The following ARID1B variants were observed in gnomAD, a reference collection of about 807,000 sequenced individuals.
The protein encoded by ARID1B is AT-rich interaction domain 1B.
A neutral mutation model predicts 212.3 loss-of-function variants in ARID1B; 30 were observed. The ratio of observed to expected loss-of-function variants is 0.14; its 90% confidence interval spans 0.11 to 0.19. The LOEUF (loss-of-function observed/expected upper bound fraction) is 0.19, where lower values mean the gene tolerates loss of function less well. ARID1B is among the 10% of genes least tolerant of loss of function. ARID1B has a pLI of 1.00. For missense variants in ARID1B, 2,891 were observed against 3,204.0 expected (o/e 0.90, Z 2.36); for synonymous variants, 1,402 against 1,301.7 (o/e 1.08, Z -1.66).
chr6:156,830,069 A>AGG (rs1238605039), intron 2 of ARID1B, among the ~76,000 whole-genome samples: 4 of 152,172 alleles, frequency 2.6e-5, no homozygotes, highest in Non-Finnish European at 5.9e-5. Context: ...AAATGGAGTC[A>AGG]CCTTAGATGA....
At chr6:157,115,527 C>T (rs997454768) in intron 6 of ARID1B, among the ~76,000 whole-genome samples, 11 of 152,102 alleles carry the variant, frequency 7.2e-5, no homozygotes, top group Admixed American at 6.5e-5. Flanking sequence ...TCCGGGTTCA[C>T]GCCATTCTCC....
intron 4 of ARID1B, among the ~76,000 whole-genome samples, chr6:157,075,632 C>A (rs893730370): frequency 1.3e-5 from 2 of 152,336 alleles, no homozygotes; most frequent in African/African-American, 4.8e-5. Context: ...CTGGTTGACA[C>A]CACCTTAACC....
At chr6:156,850,159 C>A in intron 2 of ARID1B, among the ~76,000 whole-genome samples, 1 of 151,490 alleles carries the variant, frequency 6.6e-6, no homozygotes, top group East Asian at 1.9e-4. Context: ...GCACTGTACA[C>A]AATTACTGTG....
At chr6:156,870,246 G>A (rs1786018909) in intron 2 of ARID1B, 1 of 152,296 alleles carries the variant, frequency 6.6e-6, no homozygotes, top group African/African-American at 2.4e-5. Context: ...AGCGCCTCCT[G>A]ATCCACAGGG....
rs775655637 is a variant in ARID1B, at chr6:156,923,704, C to CT, written c.2137-11745dup. ...GGATAAAGTTCTATTAGTTGATTCT[C>CT]TTTTTTTTTTTTTTTTTAAAGACAG... On this transcript the variant is annotated intron_variant, in intron 3 of 19. Coordinates refer to ENST00000636930, the MANE Select transcript of ARID1B (RefSeq NM_001374828.1). 5.3e-3 allele frequency among the ~76,000 whole-genome samples: 737 copies of CT among 140,102 alleles called. 1 individual carries two copies. The highest frequency in any genetic ancestry group is 7.2e-3 in the Middle Eastern group (2 of 278). The allele number at this position is 140,102 out of a possible 152,430, so 91.9% of individuals were successfully genotyped here.
intron 5 of ARID1B, among the ~76,000 whole-genome samples, chr6:157,107,493 A>G (rs1249175630): frequency 6.6e-6 from 1 of 152,258 alleles, no homozygotes; most frequent in Non-Finnish European, 1.5e-5. Flanking sequence ...AAATGATAGC[A>G]TAGACTTAGG....
intron 4 of ARID1B, among the ~76,000 whole-genome samples, chr6:156,949,970 T>G (rs535989416): frequency 6.6e-6 from 1 of 152,352 alleles, no homozygotes; most frequent in South Asian, 2.1e-4. Context: ...TTCTAACTTG[T>G]GAATTATTTC....
At chr6:157,086,219 C>T (rs972596793) in intron 5 of ARID1B, among the ~76,000 whole-genome samples, 7 of 152,146 alleles carry the variant, frequency 4.6e-5, no homozygotes, top group South Asian at 2.1e-4. Context: ...TTTAACTAAA[C>T]GTTACATTTC....
rs1316951673 is a variant in ARID1B at position 156,893,863 on chromosome 6, C to A, written c.1987-7513C>A. Among the ~76,000 whole-genome samples, 3 of 152,198 alleles carry A rather than the reference C, an allele frequency of 2.0e-5. No homozygotes were observed. The East Asian group carries it at 5.8e-4, about 29-fold the overall frequency. On this transcript the variant is annotated intron_variant, in intron 2 of 19. Transcript: ENST00000636930. ...GTGGGAATGTGAAATGGTGCAGCCA[C>A]TGTGAGAAGCAGTATGATAGTTCTC...
intron 4 of ARID1B, among the ~76,000 whole-genome samples, chr6:156,971,930 A>G (rs192598677): frequency 1.3e-5 from 2 of 152,248 alleles, no homozygotes; most frequent in Admixed American, 6.5e-5. Context: ...TGCTATCCCA[A>G]CACATTTACG....
chr6:156,871,491 A>G, intron 2 of ARID1B: 1 of 781,956 alleles, frequency 1.3e-6, no homozygotes, highest in Non-Finnish European at 2.2e-6. Context: ...TGGGGACCTG[A>G]GGTTTTCTTG....
intron 6 of ARID1B, among the ~76,000 whole-genome samples, chr6:157,123,240 CCCCCCCCCACA>C (rs1787886939): frequency 1.6e-4 from 1 of 6,068 alleles, no homozygotes. Flanking sequence ...CGCCCCCCGC[CCCCCCCCCACA>C]CACACACAAG....
At chr6:156,916,162 T>C (rs796935223) in intron 3 of ARID1B, among the ~76,000 whole-genome samples, 5 of 152,332 alleles carry the variant, frequency 3.3e-5, no homozygotes, top group African/African-American at 1.2e-4. Flanking sequence ...TTCGATTGTA[T>C]CAGGAAGAAG....
chr6:156,778,869 G>GGCGGCGGAGGAGGAGGAGGCA lies in ARID1B; in HGVS notation c.1193_1194insCGGAGGAGGAGGAGGCAGCGG (p.Gly402_Ser403insGlySerGlyGlyGlyGlyGly), dbSNP rs1554247826. 2 of 1,392,566 alleles carry GGCGGCGGAGGAGGAGGAGGCA rather than the reference G, an allele frequency of 1.4e-6. No homozygotes were observed. The highest frequency in any genetic ancestry group is 3.1e-5 in the African/African-American group (2 of 65,324). 86.3% of individuals were successfully genotyped at this position (1,392,566 alleles called of 1,614,324 possible). On this transcript the variant is annotated inframe_insertion, in exon 1 of 20. Coordinates refer to ENST00000636930, the MANE Select transcript of ARID1B (RefSeq NM_001374828.1). ...CGCGGGCGGCGGCGGCGGCGGCGGC[G>GGCGGCGGAGGAGGAGGAGGCA]GCGGAGGAGGAGGAGGCAGCGGAGG...
At chr6:156,971,910 A>C (rs1776957433) in intron 4 of ARID1B, among the ~76,000 whole-genome samples, 1 of 152,096 alleles carries the variant, frequency 6.6e-6, no homozygotes, top group African/African-American at 2.4e-5. Context: ...ACATGGTTTA[A>C]TGGTAGGATT....
At chr6:157,046,172 G>A (rs961639622) in intron 4 of ARID1B, among the ~76,000 whole-genome samples, 1 of 152,138 alleles carries the variant, frequency 6.6e-6, no homozygotes, top group Non-Finnish European at 1.5e-5. Context: ...TCTTTGTTAG[G>A]TTTAATTATC....
At chr6:156,912,439 T>G (rs1789972055) in intron 3 of ARID1B, among the ~76,000 whole-genome samples, 1 of 152,062 alleles carries the variant, frequency 6.6e-6, no homozygotes, top group Admixed American at 6.6e-5. Flanking sequence ...TCCACTTTTG[T>G]GCCCACTCCA....
At chr6:156,993,800 C>T (rs1778415698) in intron 4 of ARID1B, among the ~76,000 whole-genome samples, 1 of 152,130 alleles carries the variant, frequency 6.6e-6, no homozygotes, top group African/African-American at 2.4e-5. Context: ...GCTGTTAACT[C>T]TTAAATTTCT....
intron 4 of ARID1B, among the ~76,000 whole-genome samples, chr6:156,982,060 A>G (rs1190438837): frequency 6.7e-6 from 1 of 149,036 alleles, no homozygotes; most frequent in Non-Finnish European, 1.5e-5. Flanking sequence ...TGTTTGCCTC[A>G]TGTGTGGATC....
Sources: allele counts gnomAD v4.1 joint callset (sites outside exome capture counted in the v4.1 genomes callset), GRCh38; gene constraint gnomAD v4.1.1; transcripts MANE v1.5; gene names NCBI Gene and HGNC (gene_info 2026-07-23, HGNC 2026-07-21).